The following MAGI2 variants were observed in gnomAD, a reference collection of about 807,000 sequenced individuals.
MAGI2 encodes membrane-associated guanylate kinase, WW and PDZ domain-containing protein 2.
A neutral mutation model predicts 133.3 loss-of-function variants in MAGI2; 35 were observed. The observed-to-expected ratio is 0.26, with a 90% CI of 0.20 to 0.35. MAGI2 has a LOEUF of 0.35. Ranked by LOEUF, MAGI2 falls within the 10% of genes least tolerant of loss-of-function variation. MAGI2 has a pLI of 1.00. For synonymous variants in MAGI2, 729 were observed against 710.6 expected, an observed-to-expected ratio of 1.03 and a Z score of -0.41; for missense variants, 1,636 against 1,863.4, an observed-to-expected ratio of 0.88 and a Z score of 2.25.
intron 9 of MAGI2, among the ~76,000 whole-genome samples, chr7:78,292,513 G>A (rs1584751192): frequency 6.6e-6 from 1 of 152,194 alleles, no homozygotes; most frequent in Non-Finnish European, 1.5e-5. Context: ...ACTGCCCAAG[G>A]TAACTTATAG....
At chr7:78,609,469 T>C (rs1013633027) in intron 3 of MAGI2, among the ~76,000 whole-genome samples, 4 of 152,224 alleles carry the variant, frequency 2.6e-5, no homozygotes, top group Non-Finnish European at 4.4e-5. Context: ...ATAAATCTTA[T>C]GTCACGTGAT....
chr7:78,282,596 GAAA>G (rs906733305), intron 9 of MAGI2, among the ~76,000 whole-genome samples: 3 of 151,726 alleles, frequency 2.0e-5, no homozygotes, highest in Non-Finnish European at 4.4e-5. Flanking sequence ...TAAGTTTCAG[GAAA>G]AAAAGACTTT....
rs567604530 is a variant in MAGI2 at position 79,121,436 on chromosome 7, A to T, written c.302-114230T>A. On this transcript the variant is annotated intron_variant, in intron 1 of 21. Coordinates refer to ENST00000354212, the MANE Select transcript of MAGI2 (RefSeq NM_012301.4). The stretch of plus-strand genomic sequence containing the variant: ...TTGTTTCTTTTTTCTAAAAAAAAAA[A>T]TTTTTACTTAATTCTTTGGAGACAT... 4.9e-3 allele frequency among the ~76,000 whole-genome samples: 738 copies of T among 151,972 alleles called. 9 individuals carry two copies. The highest frequency in any genetic ancestry group is 0.016 in the African/African-American group (677 of 41,486).
chr7:79,375,476 A>T (rs981398452), intron 1 of MAGI2, among the ~76,000 whole-genome samples: 2 of 151,922 alleles, frequency 1.3e-5, no homozygotes, highest in African/African-American at 2.4e-5. Context: ...GATACAAATA[A>T]TTTTTTTCAT....
chr7:79,304,953 G>A (rs1388263976), intron 1 of MAGI2, among the ~76,000 whole-genome samples: 1 of 152,150 alleles, frequency 6.6e-6, no homozygotes, highest in Non-Finnish European at 1.5e-5. Context: ...TCTAGTGCAT[G>A]ATCAGACTCT....
intron 2 of MAGI2, among the ~76,000 whole-genome samples, chr7:78,825,096 T>C (rs1411249723): frequency 6.6e-6 from 1 of 151,960 alleles, no homozygotes; most frequent in African/African-American, 2.4e-5. Flanking sequence ...GGGAGAGCAT[T>C]TGGACAAACA....
At chr7:78,144,662 A>G (rs1823111183) in intron 16 of MAGI2, among the ~76,000 whole-genome samples, 1 of 152,102 alleles carries the variant, frequency 6.6e-6, no homozygotes, top group Non-Finnish European at 1.5e-5. Flanking sequence ...AGACGTAGGT[A>G]GTTTGCTCTC....
chr7:79,295,073 G>A (rs1431723581), intron 1 of MAGI2, among the ~76,000 whole-genome samples: 2 of 151,980 alleles, frequency 1.3e-5, no homozygotes, highest in Non-Finnish European at 2.9e-5. Flanking sequence ...TGAAATTAAT[G>A]AAATTCTCTG....
chr7:78,618,909 G>T (rs1031687279), intron 3 of MAGI2: 2 of 149,544 alleles, frequency 1.3e-5, no homozygotes, highest in East Asian at 2.0e-4. Flanking sequence ...TTGGTCAAAG[G>T]GTACAAAGTT....
chr7:78,346,579 A>C (rs1790932259), intron 7 of MAGI2, among the ~76,000 whole-genome samples: 1 of 152,210 alleles, frequency 6.6e-6, no homozygotes, highest in Non-Finnish European at 1.5e-5. Flanking sequence ...TATGTAGGAC[A>C]GTTGATGCTG....
At chr7:78,395,548 TGCAGCTTAATGTAGGGAGGAGGTAG>T (rs1488146189) in intron 6 of MAGI2, among the ~76,000 whole-genome samples, 2 of 152,314 alleles carry the variant, frequency 1.3e-5, no homozygotes, top group East Asian at 3.9e-4. Context: ...TATGCATTTT[TGCAGCTTAATGTAGGGAGGAGGTAG>T]AAATGACCCA....
chr7:79,266,830 GC>G (rs1834497531), intron 1 of MAGI2, among the ~76,000 whole-genome samples: 1 of 152,110 alleles, frequency 6.6e-6, no homozygotes, highest in Non-Finnish European at 1.5e-5. Context: ...CCCAAAGCAA[GC>G]CAGAGTCAAA....
intron 1 of MAGI2, among the ~76,000 whole-genome samples, chr7:79,165,822 C>T (rs183786615): frequency 1.4e-3 from 209 of 152,130 alleles, no homozygotes; most frequent in African/African-American, 4.9e-3. Flanking sequence ...CAGAAATATA[C>T]ATATTACAAA....
chr7:79,416,837 C>T (rs902874829), intron 1 of MAGI2, among the ~76,000 whole-genome samples: 1 of 149,452 alleles, frequency 6.7e-6, no homozygotes, highest in South Asian at 2.1e-4. Context: ...TATGTTCAAG[C>T]GATTATCCTG....
At chr7:79,343,052 T>C (rs1284626232) in intron 1 of MAGI2, among the ~76,000 whole-genome samples, 2 of 152,034 alleles carry the variant, frequency 1.3e-5, no homozygotes, top group Non-Finnish European at 2.9e-5. Flanking sequence ...GCGTGATCCA[T>C]CATGCCCGGC....
intron 20 of MAGI2, among the ~76,000 whole-genome samples, chr7:78,085,064 G>A (rs987632439): frequency 6.6e-6 from 1 of 152,180 alleles, no homozygotes; most frequent in African/African-American, 2.4e-5. Context: ...GCAAGGCACA[G>A]GAGCCCATAA....
At chr7:79,001,210 C>T (rs1338678820) in intron 2 of MAGI2, among the ~76,000 whole-genome samples, 3 of 152,100 alleles carry the variant, frequency 2.0e-5, no homozygotes, top group Non-Finnish European at 4.4e-5. Flanking sequence ...CCACCATGCC[C>T]GGCCACTTTA....
intron 2 of MAGI2, among the ~76,000 whole-genome samples, chr7:78,752,843 T>C (rs370351625): frequency 1.3e-5 from 2 of 152,210 alleles, no homozygotes; most frequent in African/African-American, 4.8e-5. Context: ...ATTTAAATTC[T>C]GTCCAAATAT....
At position 78,228,812 on chromosome 7, in the gene MAGI2, T is replaced by C. The variant is rs113371320; in HGVS notation, c.2047+27131A>G. Among the ~76,000 whole-genome samples, 463 of 152,340 alleles carry C rather than the reference T, an allele frequency of 3.0e-3. 2 individuals are homozygous for C. The highest frequency in any genetic ancestry group is 0.011 in the African/African-American group (437 of 41,594). On this transcript the variant is annotated intron_variant, in intron 10 of 21. Transcript: ENST00000354212. ...AAAGATCTTTATGATCCTGCCCACATTGAAAACCTTTGTAGCTGAGGCCGT... is the reference window on the plus strand; with the variant it reads ...AAAGATCTTTATGATCCTGCCCACACTGAAAACCTTTGTAGCTGAGGCCGT...
Sources: gnomAD v4.1 joint callset for allele counts (sites outside exome capture counted in the v4.1 genomes callset) on GRCh38, gnomAD v4.1.1 for gene constraint, MANE v1.5 for transcripts, NCBI Gene and HGNC (gene_info 2026-07-23, HGNC 2026-07-21) for gene names.